The following WASHC5 variants were observed in gnomAD, a reference collection of about 807,000 sequenced individuals.
WASHC5 encodes WASH complex subunit strumpellin.
A neutral mutation model predicts 150.4 loss-of-function variants in WASHC5; 101 were observed. The ratio of observed to expected loss-of-function variants is 0.67; its 90% CI spans 0.57 to 0.79. The LOEUF is 0.79. WASHC5 is among the 30% of genes least tolerant of loss of function. The pLI is 0.00. For missense variants in WASHC5, 1,195 were observed against 1,396.3 expected (o/e 0.86, Z 2.30); for synonymous variants, 467 against 491.2 (o/e 0.95, Z 0.65).
intron 4 of WASHC5, 112 bp from the exon 5 acceptor site, chr8:125,081,873 G>A: frequency 1.4e-6 from 1 of 737,246 alleles, no homozygotes; most frequent in Admixed American, 2.0e-5. Context: ...AAAAGTTTTA[G>A]ATTTCAAGGA....
intron 12 of WASHC5, among the ~76,000 whole-genome samples, chr8:125,059,804 C>G (rs968087334): frequency 6.6e-6 from 1 of 152,122 alleles, no homozygotes; most frequent in African/African-American, 2.4e-5. Context: ...TTTTGATGCA[C>G]TTTTAAAAAC....
intron 1 of WASHC5, among the ~76,000 whole-genome samples, chr8:125,085,577 T>A (rs918922440): frequency 6.6e-6 from 1 of 152,120 alleles, no homozygotes; most frequent in Non-Finnish European, 1.5e-5. Flanking sequence ...AAAACATACA[T>A]GTGATGTTTT....
intron 27 of WASHC5, 81 bp downstream of exon 27, chr8:125,032,160 A>C (rs926776430): frequency 6.7e-7 from 1 of 1,489,644 alleles, no homozygotes; most frequent in Non-Finnish European, 9.4e-7. Flanking sequence ...TATTAGGGCG[A>C]TAAGAGGAAT....
chr8:125,075,500 G>T (rs1281338414), intron 7 of WASHC5, among the ~76,000 whole-genome samples: 24 of 151,956 alleles, frequency 1.6e-4, no homozygotes, highest in Non-Finnish European at 2.9e-5. Flanking sequence ...ATTGGATTTT[G>T]GTCTTTCTTA....
rs150829888 is a variant in WASHC5, at chr8:125,091,247, T to C, written c.-125+368A>G. On this transcript the variant is annotated intron_variant, in intron 1 of 28. Transcript: ENST00000318410. ...CTCACAGCCCATGGCATAACTAGAA[T>C]GCAAATCCACGTCTGTCAGCCTGTA... 6.6e-3 allele frequency among the ~76,000 whole-genome samples: 1,011 copies of C among 152,158 alleles called. 5 individuals carry two copies. The highest frequency in any genetic ancestry group is 9.0e-3 in the Non-Finnish European group (610 of 68,010).
rs1180900008 is a variant in WASHC5, at chr8:125,038,930, T to G, written c.2984A>C (p.Tyr995Ser). 5.0e-6 allele frequency: 8 copies of G among 1,613,982 alleles called. No individual in the cohort carries two copies. The highest frequency in any genetic ancestry group is 6.8e-6 in the Non-Finnish European group (8 of 1,179,840). Residue 995 changes from tyrosine to serine, a missense_variant, in exon 25 of 29, where the codon TAT becomes TCT. Tyr to Ser is a moderately radical substitution (Grantham distance 144). This residue lies in a region of WASHC5 where 997 missense variants were observed against 1,168.1 expected (regional missense o/e 0.85). Coordinates refer to ENST00000318410, the MANE Select transcript of WASHC5 (RefSeq NM_014846.4). ...KALLADIEAH[Y>S]QDPSLPYPKE... ...GGGGTAAGGAAGTGAAGGGTCCTGA[T>G]AGTGGGCTTCAATGTCTGCTAGGAG...
chr8:125,076,539 A>G, intron 6 of WASHC5, 39 bp from the exon 7 acceptor site: 1 of 1,610,926 alleles, frequency 6.2e-7, no homozygotes, highest in South Asian at 1.1e-5. Context: ...AGCTGTTGGC[A>G]ACATTTGCAC....
At chr8:125,082,549 T>C (rs147944912) in intron 3 of WASHC5, 82 bp from the exon 4 acceptor site, 4 of 850,640 alleles carry the variant, frequency 4.7e-6, no homozygotes, top group South Asian at 2.9e-5. Context: ...TTTTAAAAGA[T>C]AAGGCAGGAT....
intron 28 of WASHC5, among the ~76,000 whole-genome samples, chr8:125,026,147 C>G (rs1441456923): frequency 6.6e-6 from 1 of 152,156 alleles, no homozygotes; most frequent in African/African-American, 2.4e-5. Flanking sequence ...AACATTTTAC[C>G]TTTCACCAAC....
intron 17 of WASHC5, among the ~76,000 whole-genome samples, chr8:125,054,011 C>T (rs1028900244): frequency 1.3e-5 from 2 of 152,156 alleles, no homozygotes; most frequent in African/African-American, 4.8e-5. Context: ...TCTCAACATC[C>T]ATCAGTGGTG....
chr8:125,055,796 C>T (rs1185183128), intron 16 of WASHC5, 125 bp from the exon 17 acceptor site: 8 of 726,224 alleles, frequency 1.1e-5, no homozygotes, highest in Non-Finnish European at 2.0e-5. Flanking sequence ...AGAAATGAGG[C>T]TCTGTGGTAC....
At position 125,062,712 on chromosome 8, in the gene WASHC5, C is replaced by T. The variant is rs1402104079; in HGVS notation, c.1408+810G>A. Among the ~76,000 whole-genome samples the T allele has an allele frequency of 3.3e-5, 5 of 152,108 alleles. No homozygotes were observed. In the East Asian group the frequency reaches 9.6e-4, roughly 29 times the overall value. ...AAAATACAGTAATCACAAGCTCATA[C>T]TGATTAAAAATAATAGTTTTTAAAC... On this transcript the variant is annotated intron_variant, in intron 11 of 28. Coordinates refer to ENST00000318410, the MANE Select transcript of WASHC5 (RefSeq NM_014846.4).
Position 125,059,495 on chromosome 8 carries a change from A to G in WASHC5, c.1569T>C (p.Phe523=). 1.2e-6 allele frequency: 2 copies of G among 1,613,760 alleles called. No homozygotes were observed. The highest frequency in any genetic ancestry group is 1.7e-6 in the Non-Finnish European group (2 of 1,179,754). Residue 523 remains phenylalanine, a synonymous_variant, in exon 13 of 29, where the codon TTT becomes TTC. Transcript: ENST00000318410. ...GAAGAAACTTTCGAGTATCGGCAAGAAACTGACATACTTGCAGATTGGATT... is the reference window on the plus strand; with the variant it reads ...GAAGAAACTTTCGAGTATCGGCAAGGAACTGACATACTTGCAGATTGGATT... ...QLESNLQVCQ[F]LADTRKFLHQ...
In WASHC5 at chr8:125,039,719, G is replaced by T. The variant is rs979606809; in HGVS notation, c.2954+76C>A. Reference sequence around the variant, plus strand: ...ACCCAAAAATAACTTAAAAGAGTAAGAACTGAAGAAACTGGGGTGCGTAGA... The same window carrying T: ...ACCCAAAAATAACTTAAAAGAGTAATAACTGAAGAAACTGGGGTGCGTAGA... On this transcript the variant is annotated intron_variant, in intron 24 of 28. Coordinates refer to ENST00000318410, the MANE Select transcript of WASHC5 (RefSeq NM_014846.4). The T allele has an allele frequency of 1.4e-5, 14 of 971,848 alleles. No homozygotes were observed. In the African/African-American group the frequency reaches 2.2e-4, roughly 16 times the overall value. 60.2% of individuals were successfully genotyped at this position (971,848 alleles called of 1,614,324 possible). A position where few individuals can be genotyped will look rare whatever the true frequency, so the allele number is the denominator to read the frequency against.
At chr8:125,047,143 GGCCACAGA>G in intron 20 of WASHC5, 56 bp downstream of exon 20, 1 of 1,587,242 alleles carries the variant, frequency 6.3e-7, no homozygotes, top group Non-Finnish European at 8.6e-7. Flanking sequence ...TGTGCCACAG[GGCCACAGA>G]TGCAGATGAG....
At chr8:125,038,634 T>C (rs892752910) in intron 25 of WASHC5, among the ~76,000 whole-genome samples, 196 bp downstream of exon 25, 1 of 152,176 alleles carries the variant, frequency 6.6e-6, no homozygotes, top group Non-Finnish European at 1.5e-5. Context: ...ACCAGCGCTA[T>C]AGCACTTGAT....
At chr8:125,088,105 G>C (rs1009586748) in intron 1 of WASHC5, among the ~76,000 whole-genome samples, 11 of 152,036 alleles carry the variant, frequency 7.2e-5, no homozygotes, top group African/African-American at 2.2e-4. Flanking sequence ...GTTCTATGTA[G>C]GTTCCTTCCC....
In WASHC5 at chr8:125,055,687, A is replaced by T. The variant is rs1586358362; in HGVS notation, c.2017-16T>A. The T allele has an allele frequency of 4.0e-6, 6 of 1,497,448 alleles. No individual in the cohort carries two copies. In the South Asian group the frequency reaches 6.8e-5, roughly 17 times the overall value. 92.8% of individuals were successfully genotyped at this position (1,497,448 alleles called of 1,614,324 possible). On this transcript the variant is annotated splice_polypyrimidine_tract_variant and intron_variant, in intron 16 of 28. Coordinates refer to ENST00000318410, the MANE Select transcript of WASHC5 (RefSeq NM_014846.4). ...GCTTGGCAACCTATAACAAAGAAAA[A>T]GAGGTATGAAAAATCACTGTCTAAT...
intron 21 of WASHC5, 95 bp from the exon 22 acceptor site, chr8:125,044,189 G>T (rs1815985624): frequency 1.2e-6 from 1 of 862,428 alleles, no homozygotes; most frequent in Non-Finnish European, 1.9e-6. Flanking sequence ...ACAGAGGCTG[G>T]GCCTAAGTCA....
Sources: allele counts gnomAD v4.1 joint callset (sites outside exome capture counted in the v4.1 genomes callset), GRCh38; gene constraint gnomAD v4.1.1; regional missense constraint gnomAD v4.1.1; transcripts MANE v1.5; gene names NCBI Gene and HGNC (gene_info 2026-07-23, HGNC 2026-07-21).